Variants in CNTN5 observed in about 807,000 individuals in gnomAD.
CNTN5 encodes contactin 5, also known as contactin-5.
CNTN5 carries 77 observed loss-of-function variants against 129.1 expected under a neutral mutation model. The ratio of observed to expected loss-of-function variants is 0.60; its 90% CI spans 0.50 to 0.72. The LOEUF (loss-of-function observed/expected upper bound fraction) is 0.72, where lower values mean the gene tolerates loss of function less well. CNTN5 is among the 30% of genes least tolerant of loss of function. The probability of loss-of-function intolerance (pLI) is 0.00; values close to 1 mark genes in which losing one functional copy is unlikely to be tolerated. For missense variants in CNTN5, 1,478 were observed against 1,328.8 expected, an observed-to-expected ratio of 1.11 and a Z score of -1.75; for synonymous variants, 509 against 465.6, an observed-to-expected ratio of 1.09 and a Z score of -1.20.
At chr11:99,815,269 A>G (rs1946546913) in intron 3 of CNTN5, among the ~76,000 whole-genome samples, 1 of 152,144 alleles carries the variant, frequency 6.6e-6, no homozygotes, top group African/African-American at 2.4e-5. Context: ...AGTCTCACAA[A>G]GTTGAGCGTT....
chr11:99,264,983 G>T (rs570941269), intron 1 of CNTN5, among the ~76,000 whole-genome samples: 1 of 151,996 alleles, frequency 6.6e-6, no homozygotes, highest in Admixed American at 6.6e-5. Flanking sequence ...TTATTGCAAA[G>T]ATTGTTAATG....
intron 4 of CNTN5, among the ~76,000 whole-genome samples, chr11:99,844,159 T>C (rs1947604834): frequency 6.6e-6 from 1 of 152,214 alleles, no homozygotes; most frequent in Non-Finnish European, 1.5e-5. Context: ...TGGTATATAG[T>C]AGGCAATAAA....
intron 13 of CNTN5, among the ~76,000 whole-genome samples, chr11:100,114,109 C>T (rs1207595781): frequency 1.3e-5 from 2 of 152,094 alleles, no homozygotes; most frequent in Admixed American, 6.6e-5. Flanking sequence ...TTTGGGCGTG[C>T]ATCCAAGATT....
chr11:100,098,113 T>A (rs1458803440), intron 13 of CNTN5, among the ~76,000 whole-genome samples: 1 of 152,074 alleles, frequency 6.6e-6, no homozygotes, highest in African/African-American at 2.4e-5. Flanking sequence ...TGGTCCATTT[T>A]CATTAGTGCT....
intron 3 of CNTN5, among the ~76,000 whole-genome samples, chr11:99,617,854 T>G (rs554816374): frequency 2.6e-5 from 4 of 152,286 alleles, no homozygotes; most frequent in Non-Finnish European, 5.9e-5. Context: ...ACACATAGTT[T>G]TATCACAGAA....
chr11:100,109,236 G>C (rs1036813345), intron 13 of CNTN5, among the ~76,000 whole-genome samples: 3 of 152,130 alleles, frequency 2.0e-5, no homozygotes, highest in African/African-American at 7.2e-5. Flanking sequence ...GACCAGCCTG[G>C]CCAACATGGC....
chr11:99,950,919 A>G (rs1321142945), intron 7 of CNTN5, among the ~76,000 whole-genome samples: 7 of 152,300 alleles, frequency 4.6e-5, no homozygotes, highest in African/African-American at 1.4e-4. Flanking sequence ...TCTGACTCTA[A>G]TCAGCTGTAA....
chr11:99,159,254 A>G (rs1435832077), intron 1 of CNTN5, among the ~76,000 whole-genome samples: 1 of 152,228 alleles, frequency 6.6e-6, no homozygotes, highest in Non-Finnish European at 1.5e-5. Context: ...AATTTTTGGT[A>G]GAGTTACATT....
chr11:100,309,750 C>T (rs1162514410), intron 21 of CNTN5: 25 of 974,502 alleles, frequency 2.6e-5, no homozygotes, highest in South Asian at 4.7e-5. Context: ...GTAGAAGACA[C>T]TGTGGTGGTT....
rs529599360 is a variant in CNTN5, at chr11:99,092,129, A to G, written c.-210+70859A>G. Among the ~76,000 whole-genome samples, 6 of 152,318 alleles carry G rather than the reference A, an allele frequency of 3.9e-5. No homozygotes were observed. In the South Asian group the frequency reaches 1.2e-3, roughly 32 times the overall value. On this transcript the variant is annotated intron_variant, in intron 1 of 24. Coordinates refer to ENST00000524871, the MANE Select transcript of CNTN5 (RefSeq NM_014361.4). Reference sequence around the variant, plus strand: ...TGTTGTTTAGTTTATTGTTTTACTAATAGTTCCTTAGTGCAGACCTATCAT... The same window carrying G: ...TGTTGTTTAGTTTATTGTTTTACTAGTAGTTCCTTAGTGCAGACCTATCAT...
chr11:99,298,573 G>C (rs1029639031), intron 1 of CNTN5, among the ~76,000 whole-genome samples: 1 of 152,042 alleles, frequency 6.6e-6, no homozygotes, highest in Non-Finnish European at 1.5e-5. Flanking sequence ...ATCTTTTTAG[G>C]CCATATTTAG....
At chr11:100,119,815 A>T (rs1328314158) in intron 13 of CNTN5, among the ~76,000 whole-genome samples, 1 of 151,914 alleles carries the variant, frequency 6.6e-6, no homozygotes, top group Non-Finnish European at 1.5e-5. Context: ...CTCGCCCTTA[A>T]TGTGTTTATA....
chr11:99,195,426 T>C (rs1445966912), intron 1 of CNTN5, among the ~76,000 whole-genome samples: 2 of 152,144 alleles, frequency 1.3e-5, no homozygotes, highest in Non-Finnish European at 2.9e-5. Context: ...CTCTTTATTT[T>C]TCAAAATTTA....
chr11:99,683,583 T>A (rs545494628), intron 3 of CNTN5, among the ~76,000 whole-genome samples: 9 of 152,012 alleles, frequency 5.9e-5, no homozygotes, highest in East Asian at 1.9e-4. Context: ...TTCCAAAATG[T>A]TCTTCTTCAA....
At chr11:99,767,309 A>C (rs1180097060) in intron 3 of CNTN5, among the ~76,000 whole-genome samples, 6 of 152,122 alleles carry the variant, frequency 3.9e-5, no homozygotes, top group Non-Finnish European at 5.9e-5. Context: ...AGAGAGAGAG[A>C]GACAGACTAT....
intron 3 of CNTN5, among the ~76,000 whole-genome samples, chr11:99,625,921 TATAC>T (rs1282765495): frequency 0.027 from 194 of 7,140 alleles, no homozygotes; most frequent in African/African-American, 0.057. Flanking sequence ...TATATATATA[TATAC>T]ACACACACAC....
chr11:99,653,966 C>A (rs1009751367), intron 3 of CNTN5, among the ~76,000 whole-genome samples: 11 of 151,562 alleles, frequency 7.3e-5, no homozygotes, highest in African/African-American at 2.7e-4. Flanking sequence ...GGCAGTTCAA[C>A]TGCTGTTATT....
chr11:99,878,673 T>C (rs1030579269), intron 6 of CNTN5, among the ~76,000 whole-genome samples: 26 of 151,930 alleles, frequency 1.7e-4, no homozygotes, highest in African/African-American at 6.0e-4. Context: ...CTGGCCAACA[T>C]GGTGAAACCC....
intron 1 of CNTN5, among the ~76,000 whole-genome samples, chr11:99,302,686 C>T (rs1437575863): frequency 1.3e-5 from 2 of 151,576 alleles, no homozygotes; most frequent in South Asian, 2.1e-4. Flanking sequence ...GGTAACTTTG[C>T]AAGCCTTAAT....
Sources: allele counts gnomAD v4.1 joint callset (sites outside exome capture counted in the v4.1 genomes callset), GRCh38; gene constraint gnomAD v4.1.1; transcripts MANE v1.5; gene names NCBI Gene and HGNC (gene_info 2026-07-23, HGNC 2026-07-21).